Variants in GOLGA4 observed in about 807,000 individuals in gnomAD.
GOLGA4 encodes golgin subfamily A member 4.
Under a neutral mutation model 265.9 loss-of-function variants are expected in GOLGA4, and 169 were observed. That is an observed-to-expected ratio of 0.64 (90% CI 0.56 to 0.72). The LOEUF (loss-of-function observed/expected upper bound fraction) is 0.72. Ranked by LOEUF, GOLGA4 falls within the 30% of genes least tolerant of loss-of-function variation. GOLGA4 has a pLI of 0.00. For missense variants in GOLGA4, 2,482 were observed against 2,483.4 expected, an observed-to-expected ratio of 1.00 and a Z score of 0.01; for synonymous variants, 923 against 855.8, an observed-to-expected ratio of 1.08 and a Z score of -1.37.
chr3:37,333,787 A>G (rs1347655710), intron 16 of GOLGA4, among the ~76,000 whole-genome samples: 1 of 152,220 alleles, frequency 6.6e-6, no homozygotes, highest in East Asian at 1.9e-4. Flanking sequence ...TCTCTGCTGT[A>G]CTTATGTTGA....
chr3:37,278,293 A>G (rs1235720333), intron 2 of GOLGA4, among the ~76,000 whole-genome samples: 1 of 151,474 alleles, frequency 6.6e-6, no homozygotes, highest in East Asian at 1.9e-4. Flanking sequence ...TCTGCCTCCC[A>G]GATTCAAACG....
chr3:37,281,947 T>G lies in GOLGA4; in HGVS notation c.163-11T>G, dbSNP rs766303339. ...TTTTAATCCACACATTCTGTTGGGT[T>G]TTGGTTGCAGTCAGGTGACACACAG... is the stretch of plus-strand genomic sequence containing the variant. On this transcript the variant is annotated splice_polypyrimidine_tract_variant and intron_variant, in intron 2 of 23. Coordinates refer to ENST00000361924, the MANE Select transcript of GOLGA4 (RefSeq NM_002078.5). 6.3e-7 allele frequency: 1 copy of G among 1,598,426 alleles called. No individual in the cohort carries two copies. The highest frequency in any genetic ancestry group is 1.7e-5 in the Admixed American group (1 of 59,062).
At chr3:37,310,288 A>G (rs2096919552) in intron 10 of GOLGA4, among the ~76,000 whole-genome samples, 1 of 152,146 alleles carries the variant, frequency 6.6e-6, no homozygotes, top group South Asian at 2.1e-4. Flanking sequence ...TTCTTATTAT[A>G]ATTGATTAGG....
chr3:37,319,012 TACA>T lies in GOLGA4; in HGVS notation c.1414-50_1414-48del. 3.1e-6 allele frequency: 4 copies of T among 1,290,886 alleles called. No individual in the cohort carries two copies. In the South Asian group the frequency reaches 5.6e-5, roughly 18 times the overall value. 80.0% of individuals were successfully genotyped at this position (1,290,886 alleles called of 1,614,324 possible). Reference sequence around the variant, plus strand: ...TAATAGTATTATTTAGTTGTGGAGTTACATATTTTATTCTGGGTGTCCTTATAT... The same window carrying T: ...TAATAGTATTATTTAGTTGTGGAGTTTATTTTATTCTGGGTGTCCTTATAT... On this transcript the variant is annotated intron_variant, in intron 11 of 23. Transcript: ENST00000361924.
intron 21 of GOLGA4, among the ~76,000 whole-genome samples, chr3:37,353,259 T>C (rs977772115): frequency 6.6e-6 from 1 of 152,026 alleles, no homozygotes; most frequent in African/African-American, 2.4e-5. Context: ...CACAGAGATA[T>C]AAAGTGATCA....
In GOLGA4 at chr3:37,361,258, A is replaced by C. The variant is rs537734461; in HGVS notation, c.6679A>C (p.Ser2227Arg). 5.8e-5 allele frequency: 93 copies of C among 1,612,880 alleles called. No individual in the cohort carries two copies. In the African/African-American group the frequency reaches 1.2e-3, roughly 21 times the overall value. Reference protein sequence around the residue: ...DARLMFTSPRSGIF With the variant: ...DARLMFTSPRRGIF ...GGCTTTGTAGTTTACTTCACCTCGCAGTGGTATCTTCTGAGTAAACCATCA... is the reference window on the plus strand; with the variant it reads ...GGCTTTGTAGTTTACTTCACCTCGCCGTGGTATCTTCTGAGTAAACCATCA... The change falls in exon 23 of 24, where the codon AGT (serine) becomes CGT (arginine). Residue 2227 changes from serine to arginine, a missense_variant. Around this residue, in one of 3 missense-constraint regions of GOLGA4, gnomAD observed 942 missense variants for 983.1 expected, o/e 0.96. Transcript: ENST00000361924.
chr3:37,350,544 A>G (rs2097070620), intron 21 of GOLGA4, among the ~76,000 whole-genome samples: 1 of 152,122 alleles, frequency 6.6e-6, no homozygotes, highest in Non-Finnish European at 1.5e-5. Flanking sequence ...AAAAACCTTT[A>G]TAGATAGTAT....
At chr3:37,365,423 G>A (rs974652268) in intron 23 of GOLGA4, among the ~76,000 whole-genome samples, 1 of 152,028 alleles carries the variant, frequency 6.6e-6, no homozygotes, top group African/African-American at 2.4e-5. Flanking sequence ...GCACCACCAC[G>A]GCCGGCTAAT....
At chr3:37,313,207 G>GA (rs1319733700) in intron 10 of GOLGA4, among the ~76,000 whole-genome samples, 4 of 149,862 alleles carry the variant, frequency 2.7e-5, no homozygotes, top group Non-Finnish European at 3.0e-5. Context: ...CATCTCAAAA[G>GA]AAAAAAAAAG....
chr3:37,350,738 C>T (rs187762566), intron 21 of GOLGA4, among the ~76,000 whole-genome samples: 6 of 152,180 alleles, frequency 3.9e-5, no homozygotes, highest in Admixed American at 1.3e-4. Context: ...ATTTTGGTTT[C>T]CCAGTGCATA....
intron 2 of GOLGA4, among the ~76,000 whole-genome samples, chr3:37,255,775 C>T (rs1258385806): frequency 6.7e-6 from 1 of 149,158 alleles, no homozygotes; most frequent in African/African-American, 2.5e-5. Context: ...TTTTTTGAGA[C>T]AGGGTCTCAC....
At chr3:37,281,895 G>A (rs2096835638) in intron 2 of GOLGA4, 63 bp from the exon 3 acceptor site, 1 of 1,059,800 alleles carries the variant, frequency 9.4e-7, no homozygotes, top group Admixed American at 2.2e-5. Flanking sequence ...TGCTGGTGAT[G>A]GGGTAATGGA....
intron 2 of GOLGA4, among the ~76,000 whole-genome samples, chr3:37,269,537 T>G (rs144646904): frequency 6.6e-6 from 1 of 152,110 alleles, no homozygotes; most frequent in East Asian, 1.9e-4. Context: ...ACAAAGGAAT[T>G]AAGGCTTCAC....
intron 10 of GOLGA4, among the ~76,000 whole-genome samples, chr3:37,306,107 G>GA (rs1301065740): frequency 2.0e-5 from 3 of 152,184 alleles, no homozygotes; most frequent in African/African-American, 7.2e-5. Context: ...CTGAGACTGT[G>GA]AATACAGTGG....
chr3:37,264,134 G>C (rs2096777384), intron 2 of GOLGA4, among the ~76,000 whole-genome samples: 1 of 152,200 alleles, frequency 6.6e-6, no homozygotes, highest in Non-Finnish European at 1.5e-5. Flanking sequence ...ATTTTTCTGT[G>C]CTGGGCATTA....
intron 5 of GOLGA4, among the ~76,000 whole-genome samples, chr3:37,293,804 C>G (rs951392783): frequency 1.3e-5 from 2 of 152,188 alleles, no homozygotes; most frequent in Non-Finnish European, 2.9e-5. Flanking sequence ...TGTCATTGTG[C>G]AAATACCAGA....
chr3:37,321,545 AC>A lies in GOLGA4; in HGVS notation c.1546-182del, dbSNP rs977526417. The A allele has an allele frequency of 7.4e-6, 4 of 542,068 alleles. No individual in the cohort carries two copies. The African/African-American group carries it at 7.8e-5, about 11-fold the overall frequency. The allele number at this position is 542,068 out of a possible 1,614,324, so 33.6% of individuals were successfully genotyped here. On this transcript the variant is annotated intron_variant, in intron 12 of 23. Transcript: ENST00000361924. The stretch of plus-strand genomic sequence containing the variant: ...CATATCAGTAGTAATTGTGGCAATT[AC>A]CCCACTGGAAAAGCCATAGTGCCTT...
intron 4 of GOLGA4, among the ~76,000 whole-genome samples, chr3:37,288,168 C>A (rs1480246369): frequency 7.3e-6 from 1 of 136,898 alleles, no homozygotes; most frequent in African/African-American, 2.8e-5. Flanking sequence ...GTGGTGCGAT[C>A]TTGGCTCACT....
At chr3:37,306,764 A>G (rs2096907710) in intron 10 of GOLGA4, among the ~76,000 whole-genome samples, 1 of 152,042 alleles carries the variant, frequency 6.6e-6, no homozygotes, top group African/African-American at 2.4e-5. Flanking sequence ...GCTAAAGTTA[A>G]TATATTTTAA....
Sources: gnomAD v4.1 joint callset for allele counts (sites outside exome capture counted in the v4.1 genomes callset) on GRCh38, gnomAD v4.1.1 for gene constraint, gnomAD v4.1.1 regional missense constraint, MANE v1.5 for transcripts, NCBI Gene and HGNC (gene_info 2026-07-23, HGNC 2026-07-21) for gene names.